ASIC2: variants seen among roughly 807,000 people sequenced by gnomAD.
The protein encoded by ASIC2 is acid-sensing ion channel 2.
Under a neutral mutation model 57.3 loss-of-function variants are expected in ASIC2, and 25 were observed. That is an observed-to-expected ratio of 0.44 (90% CI 0.32 to 0.61). ASIC2 has a LOEUF of 0.61. Ranked by LOEUF, ASIC2 falls within the 20% of genes least tolerant of loss-of-function variation. The pLI is 0.06. For missense variants in ASIC2, 641 were observed against 738.1 expected, an observed-to-expected ratio of 0.87 and a Z score of 1.52; for synonymous variants, 319 against 307.5, an observed-to-expected ratio of 1.04 and a Z score of -0.39.
At chr17:33,674,610 A>G (rs1907752359) in intron 1 of ASIC2, among the ~76,000 whole-genome samples, 2 of 152,192 alleles carry the variant, frequency 1.3e-5, no homozygotes, top group South Asian at 4.1e-4. Flanking sequence ...CACTTTATAG[A>G]TATGGGAACT....
At chr17:33,613,152 A>C (rs2142016658) in intron 1 of ASIC2, among the ~76,000 whole-genome samples, 1 of 152,234 alleles carries the variant, frequency 6.6e-6, no homozygotes, top group African/African-American at 2.4e-5. Context: ...GAGATAGAAA[A>C]CCAACAAAAA....
At chr17:33,143,553 C>A (rs759609579) in intron 1 of ASIC2, among the ~76,000 whole-genome samples, 14 of 152,140 alleles carry the variant, frequency 9.2e-5, no homozygotes, top group Non-Finnish European at 1.9e-4. Flanking sequence ...GCCAAACAAG[C>A]AGCCCAAGGT....
chr17:33,724,396 C>G (rs754649853), intron 1 of ASIC2, among the ~76,000 whole-genome samples: 27 of 152,126 alleles, frequency 1.8e-4, no homozygotes, highest in Non-Finnish European at 3.5e-4. Context: ...AAGTTCTGAG[C>G]CGACTTACGT....
At chr17:33,161,171 G>C (rs117292005) in intron 1 of ASIC2, among the ~76,000 whole-genome samples, 1 of 152,200 alleles carries the variant, frequency 6.6e-6, no homozygotes, top group Non-Finnish European at 1.5e-5. Context: ...GAGAAAGGGT[G>C]GGGGAGATGG....
intron 1 of ASIC2, chr17:33,112,815 A>G (rs932547632): frequency 6.6e-6 from 1 of 152,196 alleles, no homozygotes; most frequent in African/African-American, 2.4e-5. Flanking sequence ...CCCATCCTCT[A>G]AGGTAACTGT....
At chr17:33,369,240 C>T (rs2141937368) in intron 1 of ASIC2, among the ~76,000 whole-genome samples, 1 of 152,296 alleles carries the variant, frequency 6.6e-6, no homozygotes, top group Non-Finnish European at 1.5e-5. Context: ...GACTCTGACA[C>T]ATGGAGAGCC....
At chr17:33,370,009 A>G (rs1479319170) in intron 1 of ASIC2, among the ~76,000 whole-genome samples, 1 of 152,150 alleles carries the variant, frequency 6.6e-6, no homozygotes, top group Non-Finnish European at 1.5e-5. Flanking sequence ...CCTAAGACTG[A>G]GGTCCTCGGG....
At chr17:33,707,794 T>A (rs1908907322) in intron 1 of ASIC2, among the ~76,000 whole-genome samples, 1 of 152,228 alleles carries the variant, frequency 6.6e-6, no homozygotes, top group African/African-American at 2.4e-5. Flanking sequence ...GATAAGCAGC[T>A]TCATGGGCAT....
At chr17:33,038,717 C>A (rs189999465) in intron 3 of ASIC2, among the ~76,000 whole-genome samples, 18 of 152,368 alleles carry the variant, frequency 1.2e-4, no homozygotes, top group Admixed American at 3.9e-4. Flanking sequence ...CTGTCTGGAG[C>A]TTCTCTCAAC....
chr17:33,789,531 C>T (rs57534380), intron 1 of ASIC2, among the ~76,000 whole-genome samples: 11,242 of 151,660 alleles, frequency 0.074, 464 homozygotes, highest in East Asian at 0.19. Context: ...CTATGGGGAT[C>T]CCTAACTTGT....
At chr17:34,071,231 C>T (rs4795862) in intron 1 of ASIC2, 132,574 of 152,050 alleles carry the variant, frequency 0.87, 57,922 homozygotes, top group South Asian at 0.9. Flanking sequence ...GTCTAGGGGC[C>T]GCAGGGATGT....
At chr17:33,126,901 C>T (rs2092325419) in intron 1 of ASIC2, among the ~76,000 whole-genome samples, 1 of 121,028 alleles carries the variant, frequency 8.3e-6, no homozygotes, top group African/African-American at 3.5e-5. Context: ...CGCTCTGTCG[C>T]CCAGGCGGGA....
At chr17:33,098,007 G>A (rs1014271748) in intron 2 of ASIC2, among the ~76,000 whole-genome samples, 2 of 152,186 alleles carry the variant, frequency 1.3e-5, no homozygotes, top group African/African-American at 2.4e-5. Context: ...CCACTACTGA[G>A]ACCTGCGTTT....
chr17:33,293,457 T>G (rs1597670187), upstream of ASIC2, among the ~76,000 whole-genome samples: 1 of 147,474 alleles, frequency 6.8e-6, no homozygotes, highest in African/African-American at 2.5e-5. Flanking sequence ...GGGGGTGGGG[T>G]GTGGTGGGGA....
intron 1 of ASIC2, among the ~76,000 whole-genome samples, chr17:33,651,128 A>AAC (rs375276938): frequency 1.9e-3 from 280 of 150,168 alleles, no homozygotes; most frequent in East Asian, 6.8e-3. Context: ...ATTTTGTAGA[A>AAC]ACACACACAC....
intron 1 of ASIC2, among the ~76,000 whole-genome samples, chr17:34,010,217 A>C (rs4513142): frequency 0.17 from 26,081 of 152,142 alleles, 2,415 homozygotes; most frequent in East Asian, 0.36. Flanking sequence ...CCCAGGGCTC[A>C]GGGAAAATGT....
intron 1 of ASIC2, chr17:33,680,773 G>T (rs559571721): frequency 6.6e-6 from 1 of 152,208 alleles, no homozygotes; most frequent in East Asian, 1.9e-4. Context: ...CAGGGTCTGC[G>T]TCTGCCTGCA....
At chr17:33,314,104 C>A (rs1009965248) in intron 1 of ASIC2, among the ~76,000 whole-genome samples, 3 of 152,078 alleles carry the variant, frequency 2.0e-5, no homozygotes, top group African/African-American at 2.4e-5. Flanking sequence ...GAGCTAGAGA[C>A]GTGGGCTTGC....
At chr17:33,494,064 A>G (rs928891363) in intron 1 of ASIC2, among the ~76,000 whole-genome samples, 1 of 152,226 alleles carries the variant, frequency 6.6e-6, no homozygotes, top group African/African-American at 2.4e-5. Context: ...TCTAGATCCC[A>G]TAGCCTGTGG....
Sources: gnomAD v4.1 joint callset for allele counts (sites outside exome capture counted in the v4.1 genomes callset) on GRCh38, gnomAD v4.1.1 for gene constraint, MANE v1.5 for transcripts, NCBI Gene and HGNC (gene_info 2026-07-23, HGNC 2026-07-21) for gene names.